The following EVC2 variants were observed in gnomAD, a reference collection of about 807,000 sequenced individuals.
EVC2 encodes the protein limbin.
In EVC2, 148 loss-of-function variants were observed where a neutral mutation model predicts 149.3. The observed-to-expected ratio is 0.99, with a 90% CI of 0.87 to 1.14. EVC2 has a LOEUF of 1.14. Among genes scored for constraint, EVC2 ranks in the 50% most tolerant of loss-of-function variants. EVC2 has a pLI of 0.00. For synonymous variants in EVC2, 776 were observed against 649.9 expected, an observed-to-expected ratio of 1.19 and a Z score of -2.95; for missense variants, 1,854 against 1,627.3, an observed-to-expected ratio of 1.14 and a Z score of -2.40.
At chr4:5,695,976 C>G (rs1721449722) in intron 2 of EVC2, among the ~76,000 whole-genome samples, 1 of 152,088 alleles carries the variant, frequency 6.6e-6, no homozygotes, top group Non-Finnish European at 1.5e-5. Context: ...TTCAGTTCCT[C>G]AGGTTGGGAT....
In EVC2 at chr4:5,708,345, C is replaced by G; in HGVS notation, c.169G>C (p.Gly57Arg). ...CCCGGAGGGATCCTCAGGCCGGGCC[C>G]AGACCTAGGAGCCACCTGGGGATCC... ...PRDPQVAPRS[G>R]PGLRIPPGRS... The change falls in exon 1 of 22, where the codon GGG becomes CGG. Residue 57 changes from glycine to arginine, a missense_variant. By Grantham distance (125) the Gly-to-Arg change is moderately radical. Transcript: ENST00000344408. The G allele has an allele frequency of 6.7e-7, 1 of 1,485,732 alleles. No homozygotes were observed. Among genetic ancestry groups the G allele is most frequent in the East Asian group, 2.7e-5 (1 of 36,592 alleles). The allele number at this position is 1,485,732 out of a possible 1,614,324, so 92.0% of individuals were successfully genotyped here. A position where few individuals can be genotyped will look rare whatever the true frequency, so the allele number is the denominator to read the frequency against.
At chr4:5,621,558 A>C (rs1715690554) in intron 14 of EVC2, among the ~76,000 whole-genome samples, 1 of 152,178 alleles carries the variant, frequency 6.6e-6, no homozygotes, top group Non-Finnish European at 1.5e-5. Flanking sequence ...AGCCCCAAAC[A>C]ACCACCAAAA....
chr4:5,692,933 G>A (rs1033636048), intron 3 of EVC2, among the ~76,000 whole-genome samples: 11 of 148,598 alleles, frequency 7.4e-5, no homozygotes, highest in African/African-American at 1.7e-4. Context: ...CAAAGAACAC[G>A]CGGACAATAT....
At chr4:5,530,524 CGTGT>C in the EVC2 span, among the ~76,000 whole-genome samples, 1 of 151,124 alleles carries the variant, frequency 6.6e-6, no homozygotes, top group Admixed American at 6.6e-5. Context: ...ACAGTTACCG[CGTGT>C]GTGTGTGTGT....
chr4:5,683,940 G>A (rs974676380), intron 6 of EVC2, among the ~76,000 whole-genome samples: 19 of 151,502 alleles, frequency 1.3e-4, no homozygotes, highest in Non-Finnish European at 2.2e-4. Flanking sequence ...ACAGCTGCCC[G>A]GGAACACACA....
rs201001339 is a variant in EVC2, at chr4:5,640,849, C to T, written c.1146-11G>A. 114 of 1,614,028 alleles carry T rather than the reference C, an allele frequency of 7.1e-5. No individual in the cohort carries two copies. The highest frequency in any genetic ancestry group is 9.4e-5 in the Non-Finnish European group (111 of 1,179,974). On this transcript the variant is annotated splice_polypyrimidine_tract_variant and intron_variant, in intron 9 of 21. Transcript: ENST00000344408. This position sits in a 1 kb window ranked among gnomAD's most constrained non-coding sequence, Gnocchi z 4.6. ...GTTGCAATCTCCAACCTAGGAAACA[C>T]AAAAATCAAAAGAATTCCATTACAT...
chr4:5,697,679 G>C, intron 1 of EVC2, 32 bp from the exon 2 acceptor site: 1 of 1,580,362 alleles, frequency 6.3e-7, no homozygotes, highest in Non-Finnish European at 8.7e-7. Flanking sequence ...GTCATTAATG[G>C]AACACATACT....
chr4:5,585,684 A>G (rs1224487035), intron 16 of EVC2, among the ~76,000 whole-genome samples: 2 of 152,166 alleles, frequency 1.3e-5, no homozygotes, highest in Non-Finnish European at 2.9e-5. Flanking sequence ...TACCCCTATG[A>G]AACCATCGCC....
At chr4:5,555,622 C>G (rs1455185692) in intron 21 of EVC2, among the ~76,000 whole-genome samples, 1 of 152,108 alleles carries the variant, frequency 6.6e-6, no homozygotes, top group African/African-American at 2.4e-5. Flanking sequence ...TATGAAAGAA[C>G]TGCAAGGAAA....
At chr4:5,630,374 G>C (rs544878538) in intron 11 of EVC2, among the ~76,000 whole-genome samples, 2 of 152,138 alleles carry the variant, frequency 1.3e-5, no homozygotes, top group Non-Finnish European at 2.9e-5. Flanking sequence ...AGGGAAGGCC[G>C]CCTGTGCCCG....
downstream of EVC2, among the ~76,000 whole-genome samples, chr4:5,558,674 G>A (rs551931888): frequency 1.1e-4 from 17 of 152,268 alleles, no homozygotes; most frequent in Non-Finnish European, 2.4e-4. Context: ...CAACTTTACT[G>A]AAAAGGCTGG....
chr4:5,663,513 T>G (rs951226394), intron 8 of EVC2, among the ~76,000 whole-genome samples: 1 of 152,244 alleles, frequency 6.6e-6, no homozygotes, highest in Non-Finnish European at 1.5e-5. Flanking sequence ...CTTTTCAGCC[T>G]GTAAGACCTA....
At chr4:5,612,212 A>G (rs894573138) in intron 16 of EVC2, among the ~76,000 whole-genome samples, 9 of 152,332 alleles carry the variant, frequency 5.9e-5, no homozygotes, top group East Asian at 3.9e-4. Flanking sequence ...TTATTCTTAT[A>G]CAAGCAAGAC....
intron 16 of EVC2, among the ~76,000 whole-genome samples, chr4:5,595,221 C>T (rs957717042): frequency 9.6e-4 from 146 of 152,104 alleles, no homozygotes; most frequent in African/African-American, 3.3e-3. Flanking sequence ...CAGAGAATGC[C>T]ACAAAGATAC....
At chr4:5,611,708 G>A (rs1456406119) in intron 16 of EVC2, among the ~76,000 whole-genome samples, 1 of 151,702 alleles carries the variant, frequency 6.6e-6, no homozygotes, top group African/African-American at 2.4e-5. Context: ...AAACTAAAAG[G>A]CAAAGAAAAC....
chr4:5,596,555 G>T (rs1218846312), intron 16 of EVC2, among the ~76,000 whole-genome samples: 1 of 152,098 alleles, frequency 6.6e-6, no homozygotes, highest in East Asian at 1.9e-4. Flanking sequence ...GAATCTCTGG[G>T]ATGCATTCAA....
At position 5,623,037 on chromosome 4, in the gene EVC2, G is replaced by A. The variant is rs1312167033; in HGVS notation, c.2047-46C>T. The stretch of plus-strand genomic sequence containing the variant: ...ATTAAGTGGGGGTGGGGCTTGGCGG[G>A]TACAGTCCTTTGGCTGAAACACTTT... On this transcript the variant is annotated intron_variant, in intron 13 of 21. Transcript: ENST00000344408. 5 of 1,585,054 alleles carry A rather than the reference G, an allele frequency of 3.2e-6. No homozygotes were observed. In the African/African-American group the frequency reaches 4.0e-5, roughly 13 times the overall value.
At chr4:5,709,185 T>A (rs968678333), upstream of EVC2, 1 of 152,326 alleles carries the variant, frequency 6.6e-6, no homozygotes, top group Non-Finnish European at 1.5e-5. Context: ...GGGGAGCTGG[T>A]GTCTGAAGTC....
In EVC2 at chr4:5,696,034, C is replaced by G. The variant is rs889836825; in HGVS notation, c.284-1533G>C. On this transcript the variant is annotated intron_variant, in intron 2 of 21. Coordinates refer to ENST00000344408, the MANE Select transcript of EVC2 (RefSeq NM_147127.5). This position sits in a 1 kb window ranked among gnomAD's most constrained non-coding sequence, Gnocchi z 4.1. ...CAAGCATCGGGGAACTGATGGCCCT[C>G]GCCATGGAAACAAGTGGGTGCTCCA... is the stretch of plus-strand genomic sequence containing the variant. Among the ~76,000 whole-genome samples the G allele has an allele frequency of 1.3e-5, 2 of 152,098 alleles. No homozygotes were observed. The highest frequency in any genetic ancestry group is 1.3e-4 in the Admixed American group (2 of 15,272).
Sources: gnomAD v4.1 joint callset for allele counts (sites outside exome capture counted in the v4.1 genomes callset) on GRCh38, gnomAD v4.1.1 for gene constraint, Gnocchi (gnomAD v3.1) non-coding constraint, MANE v1.5 for transcripts, NCBI Gene and HGNC (gene_info 2026-07-23, HGNC 2026-07-21) for gene names.